Variants in ZNF729 observed in about 807,000 individuals in gnomAD.
ZNF729 encodes zinc finger protein 729.
A neutral mutation model predicts 12.2 loss-of-function variants in ZNF729; 15 were observed. That is an observed-to-expected ratio of 1.23 (90% CI 0.82 to 1.89). ZNF729 has a LOEUF of 1.89. ZNF729 is among the 40% of genes most tolerant of loss of function. ZNF729 has a pLI of 0.00. For synonymous variants in ZNF729, 492 were observed against 476.3 expected, an observed-to-expected ratio of 1.03 and a Z score of -0.43; for missense variants, 1,540 against 1,456.7, an observed-to-expected ratio of 1.06 and a Z score of -0.93.
In ZNF729 at chr19:22,313,987, C is replaced by T; in HGVS notation, c.570C>T (p.Phe190=). The change falls in exon 4 of 4, where the codon TTC becomes TTT. Residue 190 remains phenylalanine (F), a synonymous_variant. Transcript: ENST00000601693. ...GTATAAAATGTAGCAAATCATTTTTCATGCTTTCATGCTTAATTCGACATA... is the reference window on the plus strand; with the variant it reads ...GTATAAAATGTAGCAAATCATTTTTTATGCTTTCATGCTTAATTCGACATA... ...FKCIKCSKSF[F]MLSCLIRHKR... is the part of the protein sequence containing the mutation. The T allele has an allele frequency of 6.5e-7, 1 of 1,539,982 alleles. No homozygotes were observed. The highest frequency in any genetic ancestry group is 8.7e-7 in the Non-Finnish European group (1 of 1,145,862).
At chr19:22,299,276 C>A (rs943196798) in intron 1 of ZNF729, 1 of 152,226 alleles carries the variant, frequency 6.6e-6, no homozygotes, top group Non-Finnish European at 1.5e-5. Context: ...GTCACCCAGG[C>A]TGGAGTGCAG....
At chr19:22,299,930 C>T (rs1332370700) in intron 1 of ZNF729, 2 of 152,288 alleles carry the variant, frequency 1.3e-5, no homozygotes, top group African/African-American at 4.8e-5. Flanking sequence ...GATGTGAGCC[C>T]TGTGCAGTGT....
intron 3 of ZNF729, among the ~76,000 whole-genome samples, chr19:22,313,288 G>A (rs981127219): frequency 5.3e-5 from 8 of 151,990 alleles, no homozygotes; most frequent in Non-Finnish European, 1.2e-4. Flanking sequence ...TTGATCTCAG[G>A]TAATCCACTT....
intron 1 of ZNF729, among the ~76,000 whole-genome samples, chr19:22,290,963 A>T (rs929493544): frequency 2.6e-5 from 4 of 152,144 alleles, no homozygotes; most frequent in African/African-American, 9.7e-5. Flanking sequence ...GAAGAAGGTT[A>T]TGAGAGTCCC....
intron 1 of ZNF729, among the ~76,000 whole-genome samples, chr19:22,302,909 C>G (rs1432033583): frequency 6.6e-6 from 1 of 152,108 alleles, no homozygotes; most frequent in Non-Finnish European, 1.5e-5. Context: ...CCTGCCTCAG[C>G]CTCCAGAATA....
At chr19:22,304,612 T>A (rs879006933) in intron 2 of ZNF729, 76 bp from the exon 3 acceptor site, 1 of 1,243,440 alleles carries the variant, frequency 8.0e-7, no homozygotes. Context: ...TAGAATATTC[T>A]ATTACATTCT....
chr19:22,304,621 CTCTT>C, intron 2 of ZNF729, 63 bp from the exon 3 acceptor site: 1 of 1,318,918 alleles, frequency 7.6e-7, no homozygotes, highest in Admixed American at 2.1e-5. Flanking sequence ...CTATTACATT[CTCTT>C]TAATGAGCAT....
Position 22,304,782 on chromosome 19 carries a change from A to C in ZNF729, c.252A>C (p.Pro84=), listed in dbSNP as rs1304016333. The C allele has an allele frequency of 1.9e-6, 3 of 1,612,274 alleles. No homozygotes were observed. Among genetic ancestry groups the C allele is most frequent in the Admixed American group, 3.3e-5 (2 of 59,802 alleles). Residue 84 remains proline (P), a splice_region_variant and synonymous_variant, in exon 3 of 4, where the codon CCA becomes CCC. Transcript: ENST00000601693. The stretch of plus-strand genomic sequence containing the variant: ...GACATGAGATGGTAACTAAACCCCC[A>C]GGTATGTGAGAGTGAATACAACAGA... ...MKRHEMVTKP[P]VMRSHFTQDL...
intron 3 of ZNF729, among the ~76,000 whole-genome samples, chr19:22,306,568 C>T (rs1339857523): frequency 5.3e-5 from 8 of 149,552 alleles, no homozygotes; most frequent in East Asian, 1.9e-4. Flanking sequence ...TGTAGTGGCA[C>T]GCTTTGCTTA....
chr19:22,290,281 A>C (rs1968135295), intron 1 of ZNF729, among the ~76,000 whole-genome samples: 1 of 152,220 alleles, frequency 6.6e-6, no homozygotes, highest in South Asian at 2.1e-4. Flanking sequence ...AGCCAGATGC[A>C]GTTAAGGTTA....
chr19:22,312,628 T>A (rs1293814682), intron 3 of ZNF729, among the ~76,000 whole-genome samples: 1 of 152,192 alleles, frequency 6.6e-6, no homozygotes, highest in Non-Finnish European at 1.5e-5. Flanking sequence ...TGCCACCATT[T>A]CTTTCAGCAC....
chr19:22,314,049 A>AATTTGT lies in ZNF729; in HGVS notation c.633_634insTTTGTA (p.Glu211_Glu212insPheVal). 6.5e-7 allele frequency: 1 copy of AATTTGT among 1,542,392 alleles called. No homozygotes were observed. The highest frequency in any genetic ancestry group is 2.4e-5 in the East Asian group (1 of 40,900). ...ATTAGACAGAATATCTACAAATGTG[A>AATTTGT]AGAACGTGGCAAAGCCTTTAAATCG... On this transcript the variant is annotated inframe_insertion, in exon 4 of 4. Coordinates refer to ENST00000601693, the MANE Select transcript of ZNF729 (RefSeq NM_001242680.2).
At chr19:22,306,401 G>C (rs1341187993) in intron 3 of ZNF729, among the ~76,000 whole-genome samples, 4 of 149,190 alleles carry the variant, frequency 2.7e-5, no homozygotes, top group South Asian at 2.1e-4. Context: ...TCATGCCACT[G>C]TGCACCAGCC....
At position 22,315,706 on chromosome 19, in the gene ZNF729, T is replaced by G. The variant is rs1968524324; in HGVS notation, c.2289T>G (p.Thr763=). 6.2e-7 allele frequency: 1 copy of G among 1,605,856 alleles called. No individual in the cohort carries two copies. Among genetic ancestry groups the G allele is most frequent in the South Asian group, 1.1e-5 (1 of 90,848 alleles). Reference sequence around the variant, plus strand: ...TTAGAAAACATAAGGTAATTCATACTAGGGAGAAATTGTACAAATGTGAAG... The same window carrying G: ...TTAGAAAACATAAGGTAATTCATACGAGGGAGAAATTGTACAAATGTGAAG... The part of the protein sequence containing the change: ...SALRKHKVIH[T]REKLYKCEEC... The change falls in exon 4 of 4, where the codon ACT becomes ACG. Residue 763 remains threonine (T), a synonymous_variant. Transcript: ENST00000601693.
intron 1 of ZNF729, among the ~76,000 whole-genome samples, chr19:22,302,851 G>A (rs991847065): frequency 1.8e-5 from 2 of 108,756 alleles, no homozygotes; most frequent in Admixed American, 9.2e-5. Flanking sequence ...GTGCAGTGGC[G>A]CAATCTCAGC....
Position 22,316,370 on chromosome 19 carries a change from A to G in ZNF729, c.2953A>G (p.Ile985Val), listed in dbSNP as rs1341230748. The change falls in exon 4 of 4, where the codon ATT becomes GTT. Residue 985 changes from isoleucine to valine, a missense_variant. Transcript: ENST00000601693. ...CTCACATCTTACTAGACATAAAGCA[A>G]TTCATACTGGGGAGAAACCCTACAA... ...QSSHLTRHKA[I>V]HTGEKPYKCE... The G allele has an allele frequency of 3.7e-6, 6 of 1,613,750 alleles. No homozygotes were observed. Among genetic ancestry groups the G allele is most frequent in the East Asian group, 2.2e-5 (1 of 44,848 alleles).
At chr19:22,287,349 C>T (rs899031134) in intron 1 of ZNF729, among the ~76,000 whole-genome samples, 2 of 152,032 alleles carry the variant, frequency 1.3e-5, no homozygotes, top group Non-Finnish European at 2.9e-5. Flanking sequence ...TCGGTGCAAC[C>T]TCCGCCTCCC....
intron 1 of ZNF729, among the ~76,000 whole-genome samples, chr19:22,288,311 G>GTTT (rs79658308): frequency 1.3e-3 from 157 of 124,878 alleles, no homozygotes; most frequent in African/African-American, 3.2e-3. Context: ...TCTTTGTACT[G>GTTT]TTTTTTTTTT....
chr19:22,292,171 ATTT>A (rs1009049978), intron 1 of ZNF729, among the ~76,000 whole-genome samples: 1 of 151,984 alleles, frequency 6.6e-6, no homozygotes, highest in Non-Finnish European at 1.5e-5. Context: ...CACAGGTATT[ATTT>A]TTCTGATCCT....
Sources: allele counts gnomAD v4.1 joint callset (sites outside exome capture counted in the v4.1 genomes callset), GRCh38; gene constraint gnomAD v4.1.1; transcripts MANE v1.5; gene names NCBI Gene and HGNC (gene_info 2026-07-23, HGNC 2026-07-21).